USH1C: variants seen among roughly 807,000 people sequenced by gnomAD.
The protein encoded by USH1C is harmonin.
A neutral mutation model predicts 119.3 loss-of-function variants in USH1C; 90 were observed. That is an observed-to-expected ratio of 0.75 (90% CI 0.64 to 0.90). The LOEUF is 0.90. USH1C is among the 40% of genes least tolerant of loss of function. The pLI is 0.00. For missense variants in USH1C, 1,165 were observed against 1,167.7 expected (o/e 1.00, Z 0.03); for synonymous variants, 465 against 443.3 (o/e 1.05, Z -0.62).
chr11:17,528,347 C>G (rs189346043), intron 4 of USH1C, among the ~76,000 whole-genome samples: 1 of 152,192 alleles, frequency 6.6e-6, no homozygotes, highest in Non-Finnish European at 1.5e-5. Context: ...CCAGGCACCC[C>G]GGCCCTGGGG....
At position 17,531,638 on chromosome 11, in the gene USH1C, A is replaced by G; in HGVS notation, c.105-96T>C. 7 of 1,526,716 alleles carry G rather than the reference A, an allele frequency of 4.6e-6. No homozygotes were observed. Among genetic ancestry groups the G allele is most frequent in the Non-Finnish European group, 6.2e-6 (7 of 1,127,320 alleles). 94.6% of individuals were successfully genotyped at this position (1,526,716 alleles called of 1,614,324 possible). A position where few individuals can be genotyped will look rare whatever the true frequency, so the allele number is the denominator to read the frequency against. ...GGAAGCCATTTCAGCCACTGGGCCC[A>G]GGCTTAGGAATGGAGTAGACCACTC... On this transcript the variant is annotated intron_variant, in intron 2 of 26. Coordinates refer to ENST00000005226, the MANE Select transcript of USH1C (RefSeq NM_153676.4). This position sits in a 1 kb window ranked among gnomAD's most constrained non-coding sequence, Gnocchi z 4.2.
At chr11:17,539,901 C>T (rs1230111979) in intron 1 of USH1C, among the ~76,000 whole-genome samples, 1 of 149,408 alleles carries the variant, frequency 6.7e-6, no homozygotes, top group African/African-American at 2.5e-5. Flanking sequence ...GGTGTGACCA[C>T]AGCTCACTGC....
chr11:17,542,161 C>T (rs566623988), intron 1 of USH1C, among the ~76,000 whole-genome samples: 1 of 152,338 alleles, frequency 6.6e-6, no homozygotes, highest in South Asian at 2.1e-4. Flanking sequence ...AAGTAACTTG[C>T]TCAAGGTCAC....
chr11:17,496,944 C>CCG, intron 24 of USH1C, 131 bp from the exon 25 acceptor site: 9 of 962,278 alleles, frequency 9.4e-6, no homozygotes, highest in African/African-American at 1.6e-5. Flanking sequence ...ACGGGCCCAC[C>CCG]TGGGGCCCAC....
At chr11:17,542,357 C>A (rs1374721575) in intron 1 of USH1C, among the ~76,000 whole-genome samples, 1 of 152,268 alleles carries the variant, frequency 6.6e-6, no homozygotes, top group African/African-American at 2.4e-5. Flanking sequence ...ATCCTCTCTC[C>A]CCAGTTCCTG....
At chr11:17,501,858 T>C (rs1311948329) in intron 21 of USH1C, 81 bp downstream of exon 21, 3 of 1,506,658 alleles carry the variant, frequency 2.0e-6, no homozygotes, top group African/African-American at 2.8e-5. Flanking sequence ...AGGCCCAGAA[T>C]GCACCACTAT....
chr11:17,495,541 G>A, intron 26 of USH1C, 28 bp downstream of exon 26: 1 of 1,608,296 alleles, frequency 6.2e-7, no homozygotes, highest in Non-Finnish European at 8.5e-7. Flanking sequence ...GGGACACACA[G>A]GGCCCTGTGG....
chr11:17,530,150 G>C (rs138835230), intron 4 of USH1C, among the ~76,000 whole-genome samples: 1 of 152,322 alleles, frequency 6.6e-6, no homozygotes, highest in East Asian at 1.9e-4. Flanking sequence ...CGAGCCCCTT[G>C]AAAGCCCCAA....
rs1554953746 is a variant in USH1C, at chr11:17,498,161, C to A, written c.2490+1G>T. Reference sequence around the variant, plus strand: ...AAAGGAGGGAGGGGCCTTATTCTTACCCCGCCCTGATTCCAGGCCTTCTGC... The same window carrying A: ...AAAGGAGGGAGGGGCCTTATTCTTAACCCGCCCTGATTCCAGGCCTTCTGC... On this transcript the variant is annotated splice_donor_variant, in intron 24 of 26. Coordinates refer to ENST00000005226, the MANE Select transcript of USH1C (RefSeq NM_153676.4). LOFTEE classifies it high-confidence loss of function. 6.2e-7 allele frequency: 1 copy of A among 1,613,906 alleles called. No homozygotes were observed. The highest frequency in any genetic ancestry group is 8.5e-7 in the Non-Finnish European group (1 of 1,179,782).
Position 17,494,384 on chromosome 11 carries a change from G to C in USH1C, c.2656-8C>G. On this transcript the variant is annotated splice_polypyrimidine_tract_variant and splice_region_variant and intron_variant, in intron 26 of 26. Transcript: ENST00000005226. ...GGACTTCAGAAGAAGGTCCTGCAGG[G>C]AAGTGGAAACAGCCCAGGTGGATAC... 1 of 1,594,746 alleles carries C rather than the reference G, an allele frequency of 6.3e-7. No homozygotes were observed. The highest frequency in any genetic ancestry group is 8.5e-7 in the Non-Finnish European group (1 of 1,169,894).
At chr11:17,500,992 A>C in intron 23 of USH1C, 59 bp downstream of exon 23, 72 of 1,416,166 alleles carry the variant, frequency 5.1e-5, no homozygotes, top group Non-Finnish European at 6.5e-5. Flanking sequence ...GCTTTCCGGG[A>C]GGGCCCCGTC....
chr11:17,496,646 G>A, intron 25 of USH1C, 112 bp downstream of exon 25: 7 of 1,326,226 alleles, frequency 5.3e-6, no homozygotes, highest in Non-Finnish European at 6.5e-6. Context: ...GAAGCTGCGT[G>A]CTTGGGCCAT....
intron 14 of USH1C, among the ~76,000 whole-genome samples, chr11:17,518,246 A>G (rs1469165104): frequency 6.6e-6 from 1 of 152,206 alleles, no homozygotes; most frequent in Non-Finnish European, 1.5e-5. Flanking sequence ...CTCCCTTACT[A>G]ACAAGGACTA....
At chr11:17,518,171 C>A (rs902259352) in intron 14 of USH1C, among the ~76,000 whole-genome samples, 3 of 152,246 alleles carry the variant, frequency 2.0e-5, no homozygotes, top group Admixed American at 6.5e-5. Context: ...TTGGCCTATG[C>A]AAAGGCTGTT....
At position 17,501,120 on chromosome 11, in the gene USH1C, C is replaced by T. The variant is rs727505083; in HGVS notation, c.2311G>A (p.Gly771Ser). 71 of 1,613,946 alleles carry T rather than the reference C, an allele frequency of 4.4e-5. No individual in the cohort carries two copies. The highest frequency in any genetic ancestry group is 1.6e-4 in the Middle Eastern group (1 of 6,084). Residue 771 changes from glycine to serine, a missense_variant, in exon 23 of 27, where the codon GGT (glycine) becomes AGT (serine). Coordinates refer to ENST00000005226, the MANE Select transcript of USH1C (RefSeq NM_153676.4). ...ACCTTCCCAATGGGGGAGTCCACAC[C>T]GCCTTCCAGGGCCAGGTCTAAGGAT... ...EGSLDLALEG[G>S]VDSPIGKVVV... is the part of the protein sequence containing the mutation.
At chr11:17,516,393 T>A in intron 14 of USH1C, 103 bp from the exon 15 acceptor site, 2 of 1,168,850 alleles carry the variant, frequency 1.7e-6, no homozygotes, top group South Asian at 1.3e-5. Flanking sequence ...CATGACTTTG[T>A]GAGATAAACA....
At chr11:17,495,713 G>C (rs1849223883) in intron 25 of USH1C, 36 bp from the exon 26 acceptor site, 1 of 1,608,822 alleles carries the variant, frequency 6.2e-7, no homozygotes, top group Non-Finnish European at 8.5e-7. Flanking sequence ...ACACAAAACA[G>C]GCTTGGTTAC....
At chr11:17,502,242 G>C (rs1198404883) in intron 20 of USH1C, among the ~76,000 whole-genome samples, 1 of 152,104 alleles carries the variant, frequency 6.6e-6, no homozygotes, top group Non-Finnish European at 1.5e-5. Context: ...AGCGTCAGGG[G>C]CTGCAGGGGC....
Position 17,521,277 on chromosome 11 carries a change from C to T in USH1C, c.1085+69G>A, listed in dbSNP as rs1850400945. 4 of 1,548,568 alleles carry T rather than the reference C, an allele frequency of 2.6e-6. No individual in the cohort carries two copies. The Admixed American group carries it at 5.0e-5, about 19-fold the overall frequency. ...GGTAAACTGGTTCTGGAGGCAGCCT[C>T]TGGTTGGCCACACTCCCCTGAGCAC... On this transcript the variant is annotated intron_variant, in intron 13 of 26. Transcript: ENST00000005226.
Sources: allele counts gnomAD v4.1 joint callset (sites outside exome capture counted in the v4.1 genomes callset), GRCh38; gene constraint gnomAD v4.1.1; non-coding constraint Gnocchi (gnomAD v3.1); transcripts MANE v1.5; gene names NCBI Gene and HGNC (gene_info 2026-07-23, HGNC 2026-07-21).